CNTN5: variants seen among roughly 807,000 people sequenced by gnomAD.
The protein encoded by CNTN5 is contactin-5.
A neutral mutation model predicts 129.1 loss-of-function variants in CNTN5; 77 were observed. That is an observed-to-expected ratio of 0.60 (90% CI 0.50 to 0.72). CNTN5 has a LOEUF of 0.72. Ranked by LOEUF, CNTN5 falls within the 30% of genes least tolerant of loss-of-function variation. CNTN5 has a pLI of 0.00. For synonymous variants in CNTN5, 509 were observed against 465.6 expected (o/e 1.09, Z -1.20); for missense variants, 1,478 against 1,328.8 (o/e 1.11, Z -1.75).
intron 3 of CNTN5, among the ~76,000 whole-genome samples, chr11:99,809,515 A>G (rs1222730243): frequency 6.6e-6 from 1 of 152,184 alleles, no homozygotes; most frequent in Admixed American, 6.5e-5. Context: ...CAAAAATGTC[A>G]TAATTATTTT....
intron 3 of CNTN5, among the ~76,000 whole-genome samples, chr11:99,773,709 T>G (rs560604248): frequency 2.3e-4 from 35 of 152,190 alleles, no homozygotes; most frequent in Admixed American, 6.6e-4. Context: ...TAATGCCAAT[T>G]AAATGCGAAC....
At chr11:99,952,838 T>C (rs926797093) in intron 7 of CNTN5, among the ~76,000 whole-genome samples, 1 of 152,216 alleles carries the variant, frequency 6.6e-6, no homozygotes, top group South Asian at 2.1e-4. Flanking sequence ...TACCATAAAG[T>C]TGAGCATTTT....
chr11:99,768,590 C>T (rs1407151408), intron 3 of CNTN5, among the ~76,000 whole-genome samples: 1 of 152,126 alleles, frequency 6.6e-6, no homozygotes, highest in Non-Finnish European at 1.5e-5. Flanking sequence ...AAATCCAAGA[C>T]AATGGTCTTG....
intron 1 of CNTN5, among the ~76,000 whole-genome samples, chr11:99,167,090 G>A (rs893089595): frequency 6.6e-6 from 1 of 151,894 alleles, no homozygotes; most frequent in African/African-American, 2.4e-5. Flanking sequence ...TGTTTTGGTT[G>A]TCTGAAGTTT....
chr11:99,627,663 A>G (rs1237586931), intron 3 of CNTN5, among the ~76,000 whole-genome samples: 1 of 152,010 alleles, frequency 6.6e-6, no homozygotes, highest in Non-Finnish European at 1.5e-5. Context: ...AAATAAGCTC[A>G]GGTGGCATTA....
At chr11:99,063,381 A>G (rs1864964918) in intron 1 of CNTN5, among the ~76,000 whole-genome samples, 1 of 152,122 alleles carries the variant, frequency 6.6e-6, no homozygotes, top group Non-Finnish European at 1.5e-5. Context: ...AATAAGAGCT[A>G]CAGTTCAAGT....
At chr11:99,226,266 A>C (rs1267863003) in intron 1 of CNTN5, among the ~76,000 whole-genome samples, 1 of 152,216 alleles carries the variant, frequency 6.6e-6, no homozygotes, top group Non-Finnish European at 1.5e-5. Context: ...ACTAAGAGAC[A>C]CTAACGTGAG....
rs183744200 is a variant in CNTN5, at chr11:100,162,495, T to C, written c.1581-28631T>C. Among the ~76,000 whole-genome samples the C allele has an allele frequency of 3.0e-4, 45 of 152,050 alleles. 1 individual carries two copies. The highest frequency in any genetic ancestry group is 2.6e-3 in the Admixed American group (39 of 15,226). On this transcript the variant is annotated intron_variant, in intron 13 of 24. Coordinates refer to ENST00000524871, the MANE Select transcript of CNTN5 (RefSeq NM_014361.4). ...GCTGGCTTCATGAATGAAGGCGTAC[T>C]GATTTTTTAATTTTTGAAAATTAAC...
intron 6 of CNTN5, 104 bp downstream of exon 6, chr11:99,845,366 CTTTTTT>C (rs869305728): frequency 7.8e-4 from 67 of 86,208 alleles, no homozygotes; most frequent in Middle Eastern, 0.013. Flanking sequence ...GATCTCAAAT[CTTTTTT>C]TTTTTTTTTT....
intron 3 of CNTN5, among the ~76,000 whole-genome samples, chr11:99,812,010 A>G (rs1488455340): frequency 6.6e-6 from 1 of 152,120 alleles, no homozygotes; most frequent in African/African-American, 2.4e-5. Context: ...TCCGTCCTGT[A>G]TGATGGGAGA....
At chr11:99,050,079 T>A (rs1413807861) in intron 1 of CNTN5, among the ~76,000 whole-genome samples, 1 of 152,128 alleles carries the variant, frequency 6.6e-6, no homozygotes, top group Non-Finnish European at 1.5e-5. Flanking sequence ...TTAAAACTTG[T>A]AAATTGGAAA....
chr11:99,793,678 G>A (rs1360269829), intron 3 of CNTN5, among the ~76,000 whole-genome samples: 2 of 151,854 alleles, frequency 1.3e-5, no homozygotes, highest in Admixed American at 1.3e-4. Context: ...TTCATCATTT[G>A]CCCAGAAGTC....
At chr11:100,117,633 G>A (rs1394546349) in intron 13 of CNTN5, among the ~76,000 whole-genome samples, 2 of 151,748 alleles carry the variant, frequency 1.3e-5, no homozygotes, top group East Asian at 1.9e-4. Flanking sequence ...AAATCTCTTT[G>A]TATCAGGCAT....
chr11:99,732,095 C>T lies in CNTN5; in HGVS notation c.56-87449C>T, dbSNP rs1365103032. On this transcript the variant is annotated intron_variant, in intron 3 of 24. Transcript: ENST00000524871. Reference sequence around the variant, plus strand: ...AAAGAAGACAAATAGTTGAATTCATCCAGCATTTGAGTTTCATCAGGCAAG... The same window carrying T: ...AAAGAAGACAAATAGTTGAATTCATTCAGCATTTGAGTTTCATCAGGCAAG... 2.6e-5 allele frequency among the ~76,000 whole-genome samples: 4 copies of T among 152,044 alleles called. No homozygotes were observed. The East Asian group carries it at 7.7e-4, about 29-fold the overall frequency.
At chr11:99,872,112 A>G (rs988442091) in intron 6 of CNTN5, among the ~76,000 whole-genome samples, 3 of 152,002 alleles carry the variant, frequency 2.0e-5, no homozygotes, top group African/African-American at 2.4e-5. Flanking sequence ...GCGGGTCACA[A>G]TAGTAGCAAT....
chr11:99,688,762 G>A (rs970752358), intron 3 of CNTN5, among the ~76,000 whole-genome samples: 10 of 151,988 alleles, frequency 6.6e-5, no homozygotes, highest in Admixed American at 2.0e-4. Context: ...CCTTCTCCCC[G>A]CCACCCTCTG....
chr11:99,445,769 G>A (rs897544450), intron 2 of CNTN5, among the ~76,000 whole-genome samples: 6 of 152,016 alleles, frequency 3.9e-5, no homozygotes, highest in Non-Finnish European at 7.4e-5. Flanking sequence ...GTGGTTCATA[G>A]AAGTTCCCCT....
intron 1 of CNTN5, among the ~76,000 whole-genome samples, chr11:99,271,413 A>G (rs1863165271): frequency 6.6e-6 from 1 of 151,868 alleles, no homozygotes; most frequent in Non-Finnish European, 1.5e-5. Flanking sequence ...GGATGGGGAA[A>G]TACACTTTGA....
chr11:99,721,823 A>G (rs1359712505), intron 3 of CNTN5, among the ~76,000 whole-genome samples: 1 of 152,192 alleles, frequency 6.6e-6, no homozygotes, highest in African/African-American at 2.4e-5. Flanking sequence ...AAGTGGGCAA[A>G]CAACATGAAC....
Sources: allele counts gnomAD v4.1 joint callset (sites outside exome capture counted in the v4.1 genomes callset), GRCh38; gene constraint gnomAD v4.1.1; transcripts MANE v1.5; gene names NCBI Gene and HGNC (gene_info 2026-07-23, HGNC 2026-07-21).